The following CA10 variants were observed in gnomAD, a reference collection of about 807,000 sequenced individuals.
The protein encoded by CA10 is carbonic anhydrase 10 (inactive), also known as carbonic anhydrase-related protein 10.
Under a neutral mutation model 44.2 loss-of-function variants are expected in CA10, and 14 were observed. The ratio of observed to expected loss-of-function variants is 0.32; its 90% confidence interval spans 0.21 to 0.50. The LOEUF is 0.50. Among genes scored for constraint, CA10 ranks in the 20% least tolerant of loss-of-function variants. The probability of loss-of-function intolerance (pLI) is 0.99; values close to 1 mark genes in which losing one functional copy is unlikely to be tolerated. For synonymous variants in CA10, 159 were observed against 141.6 expected (o/e 1.12, Z -0.87); for missense variants, 350 against 409.7 (o/e 0.85, Z 1.26).
chr17:51,674,873 T>C (rs1914560524), intron 4 of CA10, among the ~76,000 whole-genome samples: 1 of 152,254 alleles, frequency 6.6e-6, no homozygotes, highest in Non-Finnish European at 1.5e-5. Context: ...TCATTTCCTT[T>C]GTGCGTGTAT....
At chr17:51,794,368 C>G (rs570202170) in intron 3 of CA10, among the ~76,000 whole-genome samples, 2 of 152,276 alleles carry the variant, frequency 1.3e-5, no homozygotes, top group South Asian at 4.1e-4. Context: ...AGGCTACATG[C>G]TTGGTTGAAG....
intron 4 of CA10, among the ~76,000 whole-genome samples, chr17:51,665,048 C>A (rs956574804): frequency 2.0e-5 from 3 of 152,150 alleles, no homozygotes; most frequent in Non-Finnish European, 2.9e-5. Flanking sequence ...AGAAGAGTCA[C>A]TTTAGGTGGC....
intron 3 of CA10, among the ~76,000 whole-genome samples, chr17:51,851,033 T>C (rs1978771158): frequency 6.6e-6 from 1 of 152,178 alleles, no homozygotes; most frequent in Non-Finnish European, 1.5e-5. Context: ...TACTAAATTA[T>C]CCCTGTGCTC....
chr17:51,727,399 AT>A (rs77814132), intron 4 of CA10, among the ~76,000 whole-genome samples: 63 of 149,830 alleles, frequency 4.2e-4, no homozygotes, highest in Admixed American at 2.4e-3. Flanking sequence ...CACCAAGACG[AT>A]TTTTTTTTTT....
chr17:52,141,959 G>A (rs979503656), intron 1 of CA10, among the ~76,000 whole-genome samples: 19 of 152,274 alleles, frequency 1.2e-4, no homozygotes, highest in South Asian at 1.0e-3. Flanking sequence ...GGGCAGCACC[G>A]GGGACAAGAA....
chr17:51,693,586 T>A (rs937402684), intron 4 of CA10, among the ~76,000 whole-genome samples: 1 of 152,212 alleles, frequency 6.6e-6, no homozygotes, highest in Admixed American at 6.5e-5. Context: ...AGTGAGAACA[T>A]GCAGTATTTG....
chr17:51,765,157 G>A (rs1263436427), intron 3 of CA10, among the ~76,000 whole-genome samples: 1 of 151,854 alleles, frequency 6.6e-6, no homozygotes. Context: ...GTTGGGGGGA[G>A]AAGGGGTGGG....
At chr17:52,063,676 G>T (rs1987454205) in intron 2 of CA10, among the ~76,000 whole-genome samples, 1 of 152,132 alleles carries the variant, frequency 6.6e-6, no homozygotes, top group Admixed American at 6.5e-5. Flanking sequence ...CCTTCCACTT[G>T]CACTATGAGT....
At chr17:51,815,123 G>T (rs563751752) in intron 3 of CA10, among the ~76,000 whole-genome samples, 8 of 151,978 alleles carry the variant, frequency 5.3e-5, no homozygotes, top group African/African-American at 1.9e-4. Flanking sequence ...CTCCTGCCTG[G>T]GGACGTTTGA....
At chr17:52,103,799 A>G (rs960989375) in intron 1 of CA10, among the ~76,000 whole-genome samples, 4 of 152,208 alleles carry the variant, frequency 2.6e-5, no homozygotes, top group African/African-American at 9.6e-5. Flanking sequence ...GTTTCTCCTT[A>G]CCGCAAGAGG....
chr17:51,657,281 C>G (rs73987135), intron 4 of CA10, among the ~76,000 whole-genome samples: 2,508 of 152,242 alleles, frequency 0.016, 54 homozygotes, highest in South Asian at 0.041. Flanking sequence ...CAAAGATAAC[C>G]TGGGACCTGT....
chr17:51,804,228 T>A (rs56407329), intron 3 of CA10, among the ~76,000 whole-genome samples: 1 of 152,152 alleles, frequency 6.6e-6, no homozygotes, highest in Non-Finnish European at 1.5e-5. Flanking sequence ...TTCTATAAAT[T>A]AATCTGGAGG....
chr17:52,006,569 C>T (rs948366903), intron 2 of CA10, among the ~76,000 whole-genome samples: 1 of 151,476 alleles, frequency 6.6e-6, no homozygotes, highest in South Asian at 2.1e-4. Context: ...GTTTTATATC[C>T]TTTCTGATTG....
intron 4 of CA10, among the ~76,000 whole-genome samples, chr17:51,705,398 A>G (rs547202806): frequency 6.6e-6 from 1 of 152,266 alleles, no homozygotes; most frequent in East Asian, 1.9e-4. Flanking sequence ...TTAGTTTAAC[A>G]TCTGGCTGCC....
intron 1 of CA10, among the ~76,000 whole-genome samples, chr17:52,091,097 C>CGG (rs1567730030): frequency 2.0e-5 from 3 of 151,866 alleles, no homozygotes; most frequent in Non-Finnish European, 4.4e-5. Context: ...CCAAAAAATA[C>CGG]TATCTGAAAA....
chr17:51,874,388 T>TAAAAAAAAAAAA (rs780808287), intron 3 of CA10, among the ~76,000 whole-genome samples: 1 of 127,452 alleles, frequency 7.8e-6, no homozygotes, highest in African/African-American at 2.8e-5. Flanking sequence ...GAGTAATTAT[T>TAAAAAAAAAAAA]AAAAAAAAAA....
At chr17:52,055,301 A>T (rs564811264) in intron 2 of CA10, among the ~76,000 whole-genome samples, 1 of 151,402 alleles carries the variant, frequency 6.6e-6, no homozygotes, top group Admixed American at 6.6e-5. Context: ...CTTTTATTGG[A>T]CACCTGAGGA....
chr17:51,879,595 T>G (rs539790446), intron 3 of CA10, among the ~76,000 whole-genome samples: 30 of 152,202 alleles, frequency 2.0e-4, no homozygotes, highest in African/African-American at 6.3e-4. Context: ...GATAGAAACG[T>G]TGAGAAACTT....
At chr17:51,791,183 A>G (rs912125720) in intron 3 of CA10, among the ~76,000 whole-genome samples, 1 of 152,210 alleles carries the variant, frequency 6.6e-6, no homozygotes, top group Non-Finnish European at 1.5e-5. Context: ...CTCTTGCCAC[A>G]TACCTCCTAG....
Sources: allele counts gnomAD v4.1 joint callset (sites outside exome capture counted in the v4.1 genomes callset), GRCh38; gene constraint gnomAD v4.1.1; transcripts MANE v1.5; gene names NCBI Gene and HGNC (gene_info 2026-07-23, HGNC 2026-07-21).